The following SPO11 variants were observed in gnomAD, a reference collection of about 807,000 sequenced individuals.
SPO11 encodes the protein meiotic recombination protein SPO11.
In SPO11, 49 loss-of-function variants were observed where a neutral mutation model predicts 51.6. The ratio of observed to expected loss-of-function variants is 0.95; its 90% CI spans 0.75 to 1.20. The LOEUF is 1.20. Among genes scored for constraint, SPO11 ranks in the 50% most tolerant of loss-of-function variants. The probability of loss-of-function intolerance (pLI) is 0.00; values close to 1 mark genes in which losing one functional copy is unlikely to be tolerated. For synonymous variants in SPO11, 176 were observed against 158.2 expected (o/e 1.11, Z -0.84); for missense variants, 431 against 473.4 (o/e 0.91, Z 0.83).
At chr20:57,334,930 A>G in intron 6 of SPO11, 94 bp downstream of exon 6, 1 of 1,019,306 alleles carries the variant, frequency 9.8e-7, no homozygotes, top group Non-Finnish European at 1.4e-6. Flanking sequence ...TATGTAACCT[A>G]GAGCTTAAGA....
intron 11 of SPO11, among the ~76,000 whole-genome samples, chr20:57,340,885 T>C (rs1355772930): frequency 6.6e-6 from 1 of 152,224 alleles, no homozygotes; most frequent in Non-Finnish European, 1.5e-5. Flanking sequence ...AAGAAAAATA[T>C]CATTTTAAGA....
rs1278855231 is a variant in SPO11 at position 57,343,623 on chromosome 20, A to G, written c.*163A>G. The stretch of plus-strand genomic sequence containing the variant: ...ATATTTTTGTCAAAACAAATGCTGT[A>G]CTCCAATTTTCTTTGCAAGGCCTTA... On this transcript the variant is annotated 3_prime_UTR_variant, in exon 13 of 13. Transcript: ENST00000371263. The G allele has an allele frequency of 1.3e-6, 1 of 779,668 alleles. No homozygotes were observed. The highest frequency in any genetic ancestry group is 1.8e-5 in the African/African-American group (1 of 54,402). 48.3% of individuals were successfully genotyped at this position (779,668 alleles called of 1,614,324 possible).
chr20:57,334,061 G>T lies in SPO11; in HGVS notation c.476G>T (p.Cys159Phe). ...GACAATATTATCAATGACATTTCTT[G>T]CATGTTAAAAGTGTCAAGGAGGAGT... Reference protein sequence around the residue: ...VVDNIINDISCMLKVSRRSLH... With the variant: ...VVDNIINDISFMLKVSRRSLH... The change falls in exon 5 of 13, where the codon TGC (cysteine) becomes TTC (phenylalanine). Residue 159 changes from cysteine (C) to phenylalanine (F), a missense_variant. Coordinates refer to ENST00000371263, the MANE Select transcript of SPO11 (RefSeq NM_012444.3). The T allele has an allele frequency of 6.3e-7, 1 of 1,588,180 alleles. No individual in the cohort carries two copies. The highest frequency in any genetic ancestry group is 8.6e-7 in the Non-Finnish European group (1 of 1,164,818).
chr20:57,339,984 A>G (rs1055275344), intron 10 of SPO11, 118 bp from the exon 11 acceptor site: 2 of 687,768 alleles, frequency 2.9e-6, no homozygotes, highest in Non-Finnish European at 5.2e-6. Context: ...GGCTCTGGGC[A>G]TGTGAAGCCA....
At chr20:57,341,107 G>A (rs980733134) in intron 11 of SPO11, among the ~76,000 whole-genome samples, 1 of 152,042 alleles carries the variant, frequency 6.6e-6, no homozygotes, top group Non-Finnish European at 1.5e-5. Flanking sequence ...ACAAAATAAT[G>A]TGATCACTTT....
In SPO11 at chr20:57,331,839, G is replaced by A. The variant is rs745603850; in HGVS notation, c.138G>A (p.Glu46=). ...GCTCTGTTTATTGTTTCAGTTCTGA[G>A]GTTCTTGCATCTATAGAAAATATTA... is the stretch of plus-strand genomic sequence containing the variant. ...TGGSRLASSS[E]VLASIENIIQ... The change falls in exon 2 of 13, where the codon GAG becomes GAA. Residue 46 remains glutamate, a synonymous_variant. Coordinates refer to ENST00000371263, the MANE Select transcript of SPO11 (RefSeq NM_012444.3). The A allele has an allele frequency of 6.4e-7, 1 of 1,565,356 alleles. No homozygotes were observed. The highest frequency in any genetic ancestry group is 1.4e-5 in the African/African-American group (1 of 73,060).
At chr20:57,339,173 C>T (rs1327543411) in intron 10 of SPO11, 147 bp downstream of exon 10, 21 of 473,222 alleles carry the variant, frequency 4.4e-5, no homozygotes, top group Non-Finnish European at 3.8e-6. Context: ...TAGGAGCAAT[C>T]TGTGTGTCGG....
intron 8 of SPO11, among the ~76,000 whole-genome samples, chr20:57,337,072 A>C (rs996157365): frequency 1.3e-5 from 2 of 152,156 alleles, no homozygotes; most frequent in Admixed American, 6.5e-5. Context: ...GCCATGGCCT[A>C]AAGAGACTAA....
At chr20:57,336,108 G>T (rs769384847) in intron 8 of SPO11, among the ~76,000 whole-genome samples, 3 of 151,386 alleles carry the variant, frequency 2.0e-5, no homozygotes, top group Non-Finnish European at 4.4e-5. Context: ...TTTTTTAATA[G>T]AGACAGGGTC....
chr20:57,343,222 CCCTT>C, intron 12 of SPO11, 115 bp from the exon 13 acceptor site: 4 of 1,177,958 alleles, frequency 3.4e-6, no homozygotes, highest in Non-Finnish European at 4.9e-6. Context: ...TTCTGGCTGA[CCCTT>C]AAGACTATTG....
chr20:57,341,446 T>A (rs1291564570), intron 11 of SPO11, among the ~76,000 whole-genome samples: 2 of 152,080 alleles, frequency 1.3e-5, no homozygotes, highest in African/African-American at 4.8e-5. Flanking sequence ...GGCATTAACA[T>A]TTTTTTTCAC....
chr20:57,342,974 A>C (rs2066601677), intron 12 of SPO11, 134 bp downstream of exon 12: 1 of 680,726 alleles, frequency 1.5e-6, no homozygotes, highest in Non-Finnish European at 2.5e-6. Flanking sequence ...GTTGTTTGGC[A>C]GTAAATAGTT....
chr20:57,338,567 C>T (rs536368908), intron 9 of SPO11, among the ~76,000 whole-genome samples, 192 bp downstream of exon 9: 9 of 152,120 alleles, frequency 5.9e-5, no homozygotes, highest in Non-Finnish European at 1.0e-4. Flanking sequence ...CCTCAGCCTC[C>T]TGAGTAGCTG....
intron 1 of SPO11, among the ~76,000 whole-genome samples, 178 bp downstream of exon 1, chr20:57,330,176 G>T (rs1231449267): frequency 6.6e-6 from 1 of 152,136 alleles, no homozygotes; most frequent in Non-Finnish European, 1.5e-5. Context: ...CCCTTATTTT[G>T]AACTCAAAAA....
rs181329544 is a variant in SPO11, at chr20:57,335,526, C to G, written c.634+71C>G. ...TCATTCATTAATTCCTTTGGTAAGC[C>G]AAGCCTTCATAATGTGTAAGGAACA... On this transcript the variant is annotated intron_variant, in intron 7 of 12. Transcript: ENST00000371263. 62 of 1,476,156 alleles carry G rather than the reference C, an allele frequency of 4.2e-5. No homozygotes were observed. In the African/African-American group the frequency reaches 7.4e-4, roughly 18 times the overall value. 91.4% of individuals were successfully genotyped at this position (1,476,156 alleles called of 1,614,324 possible).
intron 8 of SPO11, among the ~76,000 whole-genome samples, chr20:57,336,226 C>G (rs1190214398): frequency 2.0e-5 from 3 of 152,140 alleles, no homozygotes; most frequent in Non-Finnish European, 4.4e-5. Context: ...CCTTGAAAAG[C>G]TGAGTGTTCC....
In SPO11 at chr20:57,339,031, G is replaced by A. The variant is rs775712791; in HGVS notation, c.882+5G>A. On this transcript the variant is annotated splice_donor_5th_base_variant and intron_variant, in intron 10 of 12. Transcript: ENST00000371263. ...ATCTATAAGTATGGATCTATGGTAA[G>A]TATAGAAAAGCAGTTTTCCTTTTTT... 2.1e-5 allele frequency: 30 copies of A among 1,456,500 alleles called. No homozygotes were observed. Among genetic ancestry groups the A allele is most frequent in the Non-Finnish European group, 2.5e-5 (27 of 1,073,322 alleles). 90.2% of individuals were successfully genotyped at this position (1,456,500 alleles called of 1,614,324 possible). A position where few individuals can be genotyped will look rare whatever the true frequency, so the allele number is the denominator to read the frequency against.
chr20:57,342,602 G>A, intron 11 of SPO11, 127 bp from the exon 12 acceptor site: 1 of 619,770 alleles, frequency 1.6e-6, no homozygotes, highest in Non-Finnish European at 2.9e-6. Context: ...GGATGTAAGA[G>A]GTAGATCTGT....
At chr20:57,335,324 A>G in intron 6 of SPO11, 95 bp from the exon 7 acceptor site, 1 of 999,830 alleles carries the variant, frequency 1.0e-6, no homozygotes, top group South Asian at 1.6e-5. Context: ...GATGACTGGT[A>G]TGGTCAAAGA....
Sources: allele counts gnomAD v4.1 joint callset (sites outside exome capture counted in the v4.1 genomes callset), GRCh38; gene constraint gnomAD v4.1.1; transcripts MANE v1.5; gene names NCBI Gene and HGNC (gene_info 2026-07-23, HGNC 2026-07-21).